PCDHGA8: variants seen among roughly 807,000 people sequenced by gnomAD.
The protein encoded by PCDHGA8 is protocadherin gamma-A8.
In PCDHGA8, 45 loss-of-function variants were observed where a neutral mutation model predicts 59.2. The observed-to-expected ratio is 0.76, with a 90% CI of 0.60 to 0.98. The LOEUF is 0.98. Among genes scored for constraint, PCDHGA8 ranks in the 50% least tolerant of loss-of-function variants. The probability of loss-of-function intolerance (pLI) is 0.00; values close to 1 mark genes in which losing one functional copy is unlikely to be tolerated. For missense variants in PCDHGA8, 1,257 were observed against 1,196.2 expected, an observed-to-expected ratio of 1.05 and a Z score of -0.75; for synonymous variants, 531 against 519.0, an observed-to-expected ratio of 1.02 and a Z score of -0.32.
intron 1 of PCDHGA8, chr5:141,399,057 A>C (rs747872462): frequency 6.2e-7 from 1 of 1,613,840 alleles, no homozygotes; most frequent in Admixed American, 1.7e-5. Context: ...AGACCAAGGA[A>C]TATTCAATGG....
At chr5:141,408,917 C>G in intron 1 of PCDHGA8, 1 of 1,613,366 alleles carries the variant, frequency 6.2e-7, no homozygotes, top group South Asian at 1.1e-5. Flanking sequence ...CAATGATAAC[C>G]CCCCGGTTTT....
chr5:141,396,654 T>G (rs1489747712), intron 1 of PCDHGA8: 1 of 151,996 alleles, frequency 6.6e-6, no homozygotes, highest in Non-Finnish European at 1.5e-5. Context: ...TAGTAAAAAC[T>G]CGGTATAGGC....
At chr5:141,509,481 A>G (rs2099877035) in intron 3 of PCDHGA8, among the ~76,000 whole-genome samples, 1 of 152,010 alleles carries the variant, frequency 6.6e-6, no homozygotes, top group Admixed American at 6.6e-5. Flanking sequence ...TGAGGGGTAG[A>G]GGTGATGGCA....
chr5:141,433,080 A>T lies in PCDHGA8; in HGVS notation c.2424+37843A>T, dbSNP rs1315049041. 4.3e-6 allele frequency: 7 copies of T among 1,614,174 alleles called. No homozygotes were observed. The East Asian group carries it at 1.6e-4, about 36-fold the overall frequency. ...AGTCACCTGATCTTCCCCCAGCCCA[A>T]CTATGCAGACATGCTCGTCAGCCAG... On this transcript the variant is annotated intron_variant, in intron 1 of 3. Transcript: ENST00000398604.
chr5:141,415,843 G>T (rs1022622333), intron 1 of PCDHGA8: 36 of 1,251,418 alleles, frequency 2.9e-5, no homozygotes, highest in Non-Finnish European at 3.6e-5. Flanking sequence ...GATTAGCTTT[G>T]CAGAACCTTG....
At chr5:141,422,576 C>T in intron 1 of PCDHGA8, 1 of 1,614,034 alleles carries the variant, frequency 6.2e-7, no homozygotes, top group South Asian at 1.1e-5. Context: ...AACGATAACC[C>T]TCCCGTTTTT....
intron 2 of PCDHGA8, among the ~76,000 whole-genome samples, chr5:141,502,576 T>C (rs1226513508): frequency 6.6e-6 from 1 of 152,168 alleles, no homozygotes; most frequent in African/African-American, 2.4e-5. Flanking sequence ...ATTATAAAAA[T>C]ATATTTTTAT....
chr5:141,405,401 TC>T (rs1176566209), intron 1 of PCDHGA8: 1 of 1,591,534 alleles, frequency 6.3e-7, no homozygotes, highest in Non-Finnish European at 8.6e-7. Flanking sequence ...TTTCTTTCTT[TC>T]TTTTCTTTTT....
In PCDHGA8 at chr5:141,476,928, T is replaced by C. The variant is rs1279715094; in HGVS notation, c.2425-17879T>C. 6.2e-7 allele frequency: 1 copy of C among 1,614,142 alleles called. No individual in the cohort carries two copies. The highest frequency in any genetic ancestry group is 2.2e-5 in the East Asian group (1 of 44,868). On this transcript the variant is annotated intron_variant, in intron 1 of 3. Transcript: ENST00000398604. This position sits in a 1 kb window ranked among gnomAD's most constrained non-coding sequence, Gnocchi z 7.6. ...GTGGTACAAGTCCTTGCAACGGATC[T>C]GGATGAAGGCCCCAACGGTGAAATT...
chr5:141,427,454 T>C (rs62379160), intron 1 of PCDHGA8: 18,356 of 489,902 alleles, frequency 0.037, 441 homozygotes, highest in Middle Eastern at 0.11. Context: ...GAGTTCCTTT[T>C]AGAATCGAAT....
chr5:141,499,408 G>C (rs1178843162), intron 2 of PCDHGA8, among the ~76,000 whole-genome samples: 1 of 151,896 alleles, frequency 6.6e-6, no homozygotes, highest in Non-Finnish European at 1.5e-5. Context: ...GCTCATTATA[G>C]AAACATGAAA....
chr5:141,413,953 C>A, intron 1 of PCDHGA8: 1 of 1,613,310 alleles, frequency 6.2e-7, no homozygotes, highest in Non-Finnish European at 8.5e-7. Context: ...TGAGAATTTG[C>A]CTGTGGGCAC....
chr5:141,428,436 A>G (rs922762798), intron 1 of PCDHGA8: 5 of 401,736 alleles, frequency 1.2e-5, no homozygotes, highest in Non-Finnish European at 2.3e-5. Flanking sequence ...CTAAGACTAG[A>G]CCAGGGGTTT....
chr5:141,468,983 AATT>A (rs958294955), intron 1 of PCDHGA8, among the ~76,000 whole-genome samples: 5 of 148,376 alleles, frequency 3.4e-5, no homozygotes, highest in Admixed American at 6.8e-5. Context: ...TGACTTCCAA[AATT>A]ATTGTTTTTG....
intron 1 of PCDHGA8, chr5:141,478,843 C>G: frequency 7.2e-7 from 1 of 1,398,442 alleles, no homozygotes; most frequent in South Asian, 1.5e-5. Flanking sequence ...GATGGTTAAG[C>G]TAAAACACAA....
At position 141,477,687 on chromosome 5, in the gene PCDHGA8, C is replaced by A. The variant is rs1206813120; in HGVS notation, c.2425-17120C>A. The A allele has an allele frequency of 5.6e-6, 9 of 1,614,022 alleles. No homozygotes were observed. The highest frequency in any genetic ancestry group is 7.6e-6 in the Non-Finnish European group (9 of 1,180,040). ...AATGGCATAGTGTCATCCTTAGTGC[C>A]CCTAGACTATGAGGATCGGCGGGAA... On this transcript the variant is annotated intron_variant, in intron 1 of 3. Coordinates refer to ENST00000398604, the MANE Select transcript of PCDHGA8 (RefSeq NM_032088.2). This position sits in a 1 kb window ranked among gnomAD's most constrained non-coding sequence, Gnocchi z 4.9.
At chr5:141,412,917 G>C (rs918712966) in intron 1 of PCDHGA8, 2 of 410,214 alleles carry the variant, frequency 4.9e-6, no homozygotes, top group African/African-American at 2.1e-5. Context: ...GTATCACTTG[G>C]GTGCAGTAAC....
intron 1 of PCDHGA8, chr5:141,415,641 TAAA>T: frequency 7.8e-7 from 1 of 1,280,840 alleles, no homozygotes; most frequent in African/African-American, 1.5e-5. Context: ...TTACTTTTGT[TAAA>T]AAAAAAAAGA....
chr5:141,399,143 A>G (rs750976328), intron 1 of PCDHGA8: 12 of 1,613,780 alleles, frequency 7.4e-6, no homozygotes, highest in Admixed American at 3.3e-5. Context: ...GAAAATGACA[A>G]TAGCCCAGAA....
Sources: gnomAD v4.1 joint callset for allele counts (sites outside exome capture counted in the v4.1 genomes callset) on GRCh38, gnomAD v4.1.1 for gene constraint, Gnocchi (gnomAD v3.1) non-coding constraint, MANE v1.5 for transcripts, NCBI Gene and HGNC (gene_info 2026-07-23, HGNC 2026-07-21) for gene names.